The following LRRC4C variants were observed in gnomAD, a reference collection of about 807,000 sequenced individuals.
LRRC4C encodes leucine-rich repeat-containing protein 4C.
Under a neutral mutation model 33.6 loss-of-function variants are expected in LRRC4C, and 5 were observed. That is an observed-to-expected ratio of 0.15 (90% CI 0.08 to 0.31). The LOEUF (loss-of-function observed/expected upper bound fraction) is 0.31, where lower values mean the gene tolerates loss of function less well. Ranked by LOEUF, LRRC4C falls within the 10% of genes least tolerant of loss-of-function variation. The pLI is 1.00. For missense variants in LRRC4C, 560 were observed against 796.7 expected (o/e 0.70, Z 3.58); for synonymous variants, 329 against 302.0 (o/e 1.09, Z -0.93).
intron 2 of LRRC4C, among the ~76,000 whole-genome samples, chr11:40,713,898 G>T (rs190744815): frequency 6.6e-6 from 1 of 152,070 alleles, no homozygotes; most frequent in Admixed American, 6.5e-5. Flanking sequence ...AATTCCCATC[G>T]CTATAGAAGA....
intron 1 of LRRC4C, among the ~76,000 whole-genome samples, chr11:41,176,464 G>T (rs1261263198): frequency 6.6e-6 from 1 of 152,080 alleles, no homozygotes; most frequent in Non-Finnish European, 1.5e-5. Flanking sequence ...CATCAGTCCT[G>T]CATCCATTCA....
intron 3 of LRRC4C, among the ~76,000 whole-genome samples, chr11:40,386,043 A>G (rs974253094): frequency 6.7e-6 from 1 of 150,232 alleles, no homozygotes; most frequent in African/African-American, 2.4e-5. Flanking sequence ...TGAAACGAAA[A>G]TAAAAGTTGA....
chr11:40,904,574 T>C (rs1956338535), intron 2 of LRRC4C, among the ~76,000 whole-genome samples: 1 of 152,128 alleles, frequency 6.6e-6, no homozygotes, highest in Non-Finnish European at 1.5e-5. Context: ...TTGGTCCCTG[T>C]TATAATTCTG....
intron 1 of LRRC4C, among the ~76,000 whole-genome samples, chr11:41,032,640 A>T (rs1016555101): frequency 1.2e-4 from 19 of 152,110 alleles, no homozygotes; most frequent in Non-Finnish European, 2.6e-4. Flanking sequence ...AATGTTGAAA[A>T]TCTGTAGCCT....
At position 40,260,460 on chromosome 11, in the gene LRRC4C, C is replaced by G. The variant is rs191992319; in HGVS notation, c.-175-18862G>C. ...GGGAGATATACCTAATGCTAGATGA[C>G]GAGTTAGTGGGTGCAGCGCACCAGC... is the stretch of plus-strand genomic sequence containing the variant. On this transcript the variant is annotated intron_variant, in intron 4 of 6. Coordinates refer to ENST00000528697, the MANE Select transcript of LRRC4C (RefSeq NM_001258419.2). 8.2e-4 allele frequency among the ~76,000 whole-genome samples: 122 copies of G among 147,906 alleles called. 3 individuals carry two copies. In the East Asian group the frequency reaches 0.022, roughly 27 times the overall value.
chr11:41,051,059 A>G (rs536460320), intron 1 of LRRC4C, among the ~76,000 whole-genome samples: 1 of 152,304 alleles, frequency 6.6e-6, no homozygotes, highest in South Asian at 2.1e-4. Context: ...ATGAGTCACA[A>G]TCTGAGACTA....
chr11:40,147,551 CT>C (rs1394018843), intron 5 of LRRC4C, among the ~76,000 whole-genome samples: 1 of 151,936 alleles, frequency 6.6e-6, no homozygotes, highest in African/African-American at 2.4e-5. Flanking sequence ...AGAGCAGAGA[CT>C]GTTCTAGACA....
At chr11:41,180,089 A>G (rs1945381355) in intron 1 of LRRC4C, among the ~76,000 whole-genome samples, 1 of 152,220 alleles carries the variant, frequency 6.6e-6, no homozygotes, top group African/African-American at 2.4e-5. Context: ...ATAGTTGAGT[A>G]GGAATTAGGC....
At chr11:40,886,066 C>T (rs1292799715) in intron 2 of LRRC4C, among the ~76,000 whole-genome samples, 1 of 151,946 alleles carries the variant, frequency 6.6e-6, no homozygotes, top group Non-Finnish European at 1.5e-5. Context: ...GCACCTTGCT[C>T]CTTCTGTAAA....
At chr11:40,833,608 A>G (rs1037450205) in intron 2 of LRRC4C, among the ~76,000 whole-genome samples, 3 of 152,054 alleles carry the variant, frequency 2.0e-5, no homozygotes, top group Middle Eastern at 3.2e-3. Flanking sequence ...CCATTAGCAA[A>G]ATTATAAATT....
intron 4 of LRRC4C, among the ~76,000 whole-genome samples, chr11:40,261,884 A>C (rs1381854014): frequency 6.6e-6 from 1 of 152,220 alleles, no homozygotes; most frequent in African/African-American, 2.4e-5. Flanking sequence ...ACCCTAGAAG[A>C]AAACCTAGGC....
At chr11:40,880,217 T>C (rs1181496543) in intron 2 of LRRC4C, among the ~76,000 whole-genome samples, 2 of 152,104 alleles carry the variant, frequency 1.3e-5, no homozygotes, top group East Asian at 1.9e-4. Flanking sequence ...AGAGCTGATA[T>C]ATTCCGTGTA....
chr11:41,166,105 T>C (rs1944714143), intron 1 of LRRC4C, among the ~76,000 whole-genome samples: 1 of 151,492 alleles, frequency 6.6e-6, no homozygotes, highest in African/African-American at 2.4e-5. Flanking sequence ...AAATGCTATA[T>C]GGGTTTTAAA....
chr11:40,954,210 A>G (rs1958847949), intron 1 of LRRC4C, among the ~76,000 whole-genome samples: 1 of 151,912 alleles, frequency 6.6e-6, no homozygotes, highest in Non-Finnish European at 1.5e-5. Context: ...ATGTAACATT[A>G]GGTAAACTCT....
intron 1 of LRRC4C, among the ~76,000 whole-genome samples, chr11:40,972,629 G>A (rs751929834): frequency 6.6e-6 from 1 of 152,126 alleles, no homozygotes; most frequent in Non-Finnish European, 1.5e-5. Context: ...AATTACGGCA[G>A]AAGGCACCTC....
intron 2 of LRRC4C, among the ~76,000 whole-genome samples, chr11:40,711,161 C>G (rs569753680): frequency 2.0e-5 from 3 of 152,184 alleles, no homozygotes; most frequent in Non-Finnish European, 4.4e-5. Context: ...GGTGAAGTGA[C>G]GCCCTGCTCT....
chr11:40,476,482 A>C (rs933453927), intron 3 of LRRC4C, among the ~76,000 whole-genome samples: 3 of 150,644 alleles, frequency 2.0e-5, no homozygotes, highest in Non-Finnish European at 4.4e-5. Flanking sequence ...AGTAGCTGGG[A>C]CTACGGGCAC....
chr11:40,835,250 G>A (rs1330301959), intron 2 of LRRC4C, among the ~76,000 whole-genome samples: 1 of 152,002 alleles, frequency 6.6e-6, no homozygotes, highest in Non-Finnish European at 1.5e-5. Flanking sequence ...TAAAAAAAGA[G>A]TTACTAAAAG....
intron 1 of LRRC4C, among the ~76,000 whole-genome samples, chr11:40,994,120 G>C (rs1410077166): frequency 6.8e-6 from 1 of 147,366 alleles, no homozygotes; most frequent in Non-Finnish European, 1.5e-5. Context: ...GAAAACTATT[G>C]ATTTGCCATC....
Sources: gnomAD v4.1 joint callset for allele counts (sites outside exome capture counted in the v4.1 genomes callset) on GRCh38, gnomAD v4.1.1 for gene constraint, MANE v1.5 for transcripts, NCBI Gene and HGNC (gene_info 2026-07-23, HGNC 2026-07-21) for gene names.